Variants in PVT1 observed in about 807,000 individuals in gnomAD.
PVT1 encodes the protein CXCR4/PVT1 fusion.
At chr8:127,826,978 CTTTCTT>C (rs1172333821) in intron 2 of PVT1, among the ~76,000 whole-genome samples, 1 of 136,816 alleles carries the variant, frequency 7.3e-6, no homozygotes, top group East Asian at 2.1e-4. Context: ...CTTTCTTTTT[CTTTCTT>C]TCTTTTTCTC....
Position 127,898,245 on chromosome 8 carries a change from C to T in PVT1, n.782+7247C>T, listed in dbSNP as rs1478280225. Reference sequence around the variant, plus strand: ...GAAAAGAAAGAAAGAAAGAAAGAAACGAAGGAAGGAAGAAAGAAAGAGTGT... The same window carrying T: ...GAAAAGAAAGAAAGAAAGAAAGAAATGAAGGAAGGAAGAAAGAAAGAGTGT... On this transcript the variant is annotated intron_variant and non_coding_transcript_variant, in intron 3 of 10. Coordinates refer to ENST00000651587, the Ensembl canonical transcript of PVT1. This position sits in a 1 kb window ranked among gnomAD's most constrained non-coding sequence, Gnocchi z 4.4. Among the ~76,000 whole-genome samples, 3 of 135,374 alleles carry T rather than the reference C, an allele frequency of 2.2e-5. No homozygotes were observed. The South Asian group carries it at 7.3e-4, about 33-fold the overall frequency. The allele number at this position is 135,374 out of a possible 152,430, so 88.8% of individuals were successfully genotyped here. A position where few individuals can be genotyped will look rare whatever the true frequency, so the allele number is the denominator to read the frequency against.
Position 127,971,879 on chromosome 8 carries a change from A to G in PVT1, n.783-17283A>G, listed in dbSNP as rs537945600. Among the ~76,000 whole-genome samples, 3 of 152,186 alleles carry G rather than the reference A, an allele frequency of 2.0e-5. No homozygotes were observed. In the South Asian group the frequency reaches 6.2e-4, roughly 32 times the overall value. On this transcript the variant is annotated intron_variant and non_coding_transcript_variant, in intron 3 of 10. Coordinates refer to ENST00000651587, the Ensembl canonical transcript of PVT1. ...ACTGAGGATTCTTTAGAAATGGAGA[A>G]AGGAAGAGTAGAATGCTGGTCTTCG...
intron 4 of PVT1, among the ~76,000 whole-genome samples, chr8:128,032,786 T>C (rs994280672): frequency 2.0e-5 from 3 of 152,196 alleles, no homozygotes; most frequent in Non-Finnish European, 4.4e-5. Flanking sequence ...CGTCTCCTTC[T>C]GAAACCAGCA....
intron 2 of PVT1, among the ~76,000 whole-genome samples, chr8:127,804,644 G>A (rs1350776148): frequency 2.0e-5 from 3 of 149,620 alleles, no homozygotes; most frequent in Non-Finnish European, 1.5e-5. Context: ...AGGTTCAAGC[G>A]ATTCTTCTGC....
chr8:127,864,430 C>CA (rs1815264140), intron 2 of PVT1, among the ~76,000 whole-genome samples: 1 of 152,316 alleles, frequency 6.6e-6, no homozygotes, highest in East Asian at 1.9e-4. Flanking sequence ...AACTGGATGC[C>CA]TGCTCCTGGC....
Position 127,857,086 on chromosome 8 carries a change from C to T in PVT1, n.373-33503C>T, listed in dbSNP as rs781755607. Among the ~76,000 whole-genome samples, 20 of 152,056 alleles carry T rather than the reference C, an allele frequency of 1.3e-4. 1 individual carries two copies. Among genetic ancestry groups the T allele is most frequent in the African/African-American group, 3.9e-4 (16 of 41,416 alleles). ...GCTAAAAATGCAAAAATTAGCTGAGCGTGGTGGCAGGCACCTGTAATCCCA... is the reference window on the plus strand; with the variant it reads ...GCTAAAAATGCAAAAATTAGCTGAGTGTGGTGGCAGGCACCTGTAATCCCA... On this transcript the variant is annotated intron_variant and non_coding_transcript_variant, in intron 2 of 10. Transcript: ENST00000651587.
chr8:128,036,921 T>C (rs1482316100), intron 4 of PVT1, among the ~76,000 whole-genome samples: 1 of 152,254 alleles, frequency 6.6e-6, no homozygotes, highest in Non-Finnish European at 1.5e-5. Flanking sequence ...TGCCTGCCTC[T>C]GCTGCATTGA....
chr8:128,096,882 C>G (rs1285294532), intron 6 of PVT1, among the ~76,000 whole-genome samples: 1 of 152,202 alleles, frequency 6.6e-6, no homozygotes, highest in East Asian at 1.9e-4. Context: ...CAGATGGGCC[C>G]AGGGCTCAGC....
intron 2 of PVT1, among the ~76,000 whole-genome samples, chr8:127,812,902 G>A (rs1029358588): frequency 3.9e-5 from 6 of 152,024 alleles, no homozygotes; most frequent in Non-Finnish European, 8.8e-5. Context: ...GAACAAACAA[G>A]AGGAACTATA....
At chr8:127,871,310 CAG>C (rs1554593204) in intron 2 of PVT1, among the ~76,000 whole-genome samples, 1 of 152,214 alleles carries the variant, frequency 6.6e-6, no homozygotes, top group Admixed American at 6.5e-5. Flanking sequence ...GGAGCCCTCT[CAG>C]GGGATGGCAA....
At chr8:127,896,314 A>T (rs990621147) in intron 3 of PVT1, among the ~76,000 whole-genome samples, 6 of 152,114 alleles carry the variant, frequency 3.9e-5, no homozygotes, top group Middle Eastern at 3.4e-3. Context: ...TCAGTTTAGA[A>T]CAGTATTGGA....
At chr8:127,919,086 A>G (rs1275772954) in intron 3 of PVT1, among the ~76,000 whole-genome samples, 1 of 152,096 alleles carries the variant, frequency 6.6e-6, no homozygotes, top group Non-Finnish European at 1.5e-5. Context: ...CTCCCTAGAG[A>G]TGTGATTGCA....
chr8:127,869,400 G>C (rs901630945), intron 2 of PVT1, among the ~76,000 whole-genome samples: 1 of 152,088 alleles, frequency 6.6e-6, no homozygotes, highest in Non-Finnish European at 1.5e-5. Flanking sequence ...CAAAGTGCTG[G>C]GATTACAGGT....
At position 127,955,574 on chromosome 8, in the gene PVT1, C is replaced by G. The variant is rs78021736; in HGVS notation, n.783-33588C>G. 9.8e-3 allele frequency among the ~76,000 whole-genome samples: 1,489 copies of G among 151,478 alleles called. 10 individuals carry two copies. The highest frequency in any genetic ancestry group is 0.013 in the Non-Finnish European group (892 of 67,660). On this transcript the variant is annotated intron_variant and non_coding_transcript_variant, in intron 3 of 10. Coordinates refer to ENST00000651587, the Ensembl canonical transcript of PVT1. ...GAGTTATGCCCAAGAGTCTGTAATCCCCTCCCCTCCCCTGCCCTCCCCTCC... is the reference window on the plus strand; with the variant it reads ...GAGTTATGCCCAAGAGTCTGTAATCGCCTCCCCTCCCCTGCCCTCCCCTCC...
intron 4 of PVT1, among the ~76,000 whole-genome samples, chr8:128,061,655 T>C (rs1024622426): frequency 9.9e-5 from 15 of 152,216 alleles, no homozygotes; most frequent in African/African-American, 3.6e-4. Flanking sequence ...TTATTCGTGT[T>C]TATCTTTAAA....
exon 6 of PVT1, chr8:128,096,562 G>A (rs1024119512): frequency 3.9e-5 from 6 of 152,044 alleles, no homozygotes; most frequent in African/African-American, 1.4e-4. Context: ...CCCACCAAGA[G>A]GATCACCCCA....
At chr8:128,028,598 C>T (rs753995016) in intron 4 of PVT1, among the ~76,000 whole-genome samples, 1 of 152,194 alleles carries the variant, frequency 6.6e-6, no homozygotes, top group Non-Finnish European at 1.5e-5. Context: ...TAGCTAGGGA[C>T]CTATCTGCTT....
chr8:127,865,001 G>C (rs1815271747), intron 2 of PVT1, among the ~76,000 whole-genome samples: 1 of 152,236 alleles, frequency 6.6e-6, no homozygotes, highest in South Asian at 2.1e-4. Context: ...ACTAGTCTGA[G>C]TGCTTGGGAT....
intron 4 of PVT1, among the ~76,000 whole-genome samples, chr8:128,059,292 T>G (rs1235623320): frequency 6.6e-6 from 1 of 152,044 alleles, no homozygotes; most frequent in Non-Finnish European, 1.5e-5. Flanking sequence ...TGCTCAGCCA[T>G]TGTTGCCCAG....
Sources: gnomAD v4.1 joint callset for allele counts (sites outside exome capture counted in the v4.1 genomes callset) on GRCh38, gnomAD v4.1.1 for gene constraint, Gnocchi (gnomAD v3.1) non-coding constraint, MANE v1.5 for transcripts, NCBI Gene and HGNC (gene_info 2026-07-23, HGNC 2026-07-21) for gene names.